The following SLC2A10 variants were observed in gnomAD, a reference collection of about 807,000 sequenced individuals.
The protein encoded by SLC2A10 is solute carrier family 2 member 10.
A neutral mutation model predicts 32.1 loss-of-function variants in SLC2A10; 25 were observed. That is an observed-to-expected ratio of 0.78 (90% confidence interval 0.57 to 1.09). SLC2A10 has a LOEUF of 1.09. Among genes scored for constraint, SLC2A10 ranks in the 50% least tolerant of loss-of-function variants. SLC2A10 has a pLI of 0.00. For missense variants in SLC2A10, 673 were observed against 686.5 expected, an observed-to-expected ratio of 0.98 and a Z score of 0.22; for synonymous variants, 332 against 309.6, an observed-to-expected ratio of 1.07 and a Z score of -0.76.
intron 1 of SLC2A10, among the ~76,000 whole-genome samples, chr20:46,716,933 G>T (rs1173274449): frequency 6.6e-6 from 1 of 152,102 alleles, no homozygotes; most frequent in Admixed American, 6.5e-5. Flanking sequence ...TGAGGCAGGA[G>T]AATTGCTAGA....
At chr20:46,731,391 TG>T (rs1039551249) in intron 4 of SLC2A10, among the ~76,000 whole-genome samples, 2 of 152,220 alleles carry the variant, frequency 1.3e-5, no homozygotes, top group Non-Finnish European at 2.9e-5. Flanking sequence ...GTCTTCAATC[TG>T]GGCAGCCATG....
At chr20:46,729,512 T>C in intron 4 of SLC2A10, 24 bp downstream of exon 4, 1 of 1,611,894 alleles carries the variant, frequency 6.2e-7, no homozygotes, top group Non-Finnish European at 8.5e-7. Flanking sequence ...AGGGTGGGTC[T>C]GGGGGAAGAG....
In SLC2A10 at chr20:46,729,508, G is replaced by T. The variant is rs1218361422; in HGVS notation, c.1547+20G>T. On this transcript the variant is annotated intron_variant, in intron 4 of 4. Coordinates refer to ENST00000359271, the MANE Select transcript of SLC2A10 (RefSeq NM_030777.4). ...GAGACGGTAGGAAGCTGACAGGGTG[G>T]GTCTGGGGGAAGAGCTGTAGCACAC... The T allele has an allele frequency of 1.2e-6, 2 of 1,613,838 alleles. No individual in the cohort carries two copies. The highest frequency in any genetic ancestry group is 4.5e-5 in the East Asian group (2 of 44,878).
chr20:46,713,150 GTAAC>G (rs1401476713), intron 1 of SLC2A10, among the ~76,000 whole-genome samples: 1 of 152,156 alleles, frequency 6.6e-6, no homozygotes, highest in East Asian at 1.9e-4. Flanking sequence ...TGAGTGCTGA[GTAAC>G]TGTCCTTGGC....
chr20:46,726,287 G>C lies in SLC2A10; in HGVS notation c.1251G>C (p.Met417Ile). 1.2e-6 allele frequency: 2 copies of C among 1,612,204 alleles called. No individual in the cohort carries two copies. The highest frequency in any genetic ancestry group is 1.7e-6 in the Non-Finnish European group (2 of 1,180,044). ...GCTGGACCGCACTGCTGTGCCTGATGGTCTTTGTCAGTGCCTTCTCCTTTG... is the reference window on the plus strand; with the variant it reads ...GCTGGACCGCACTGCTGTGCCTGATCGTCTTTGTCAGTGCCTTCTCCTTTG... ...LLRWTALLCL[M>I]VFVSAFSFGF... Residue 417 changes from methionine to isoleucine, a missense_variant, in exon 2 of 5, where the codon ATG becomes ATC. Met to Ile is a conservative substitution (Grantham distance 10). Coordinates refer to ENST00000359271, the MANE Select transcript of SLC2A10 (RefSeq NM_030777.4).
rs781230863 is a variant in SLC2A10 at position 46,725,985 on chromosome 20, G to A, written c.949G>A (p.Val317Ile). The A allele has an allele frequency of 6.0e-5, 97 of 1,613,850 alleles. No individual in the cohort carries two copies. The highest frequency in any genetic ancestry group is 1.3e-4 in the Admixed American group (8 of 60,032). Residue 317 changes from valine to isoleucine, a missense_variant, in exon 2 of 5, where the codon GTC becomes ATC. Transcript: ENST00000359271. ...MALSVSGIGLVSFAVPMDSGP... is the reference protein window; with the variant it reads ...MALSVSGIGLISFAVPMDSGP... ...CCTGTCCGTCAGTGGCATAGGCCTCGTCAGCTTTGCCGTGCCCATGGACTC... is the reference window on the plus strand; with the variant it reads ...CCTGTCCGTCAGTGGCATAGGCCTCATCAGCTTTGCCGTGCCCATGGACTC...
rs1388971061 is a variant in SLC2A10 at position 46,735,976 on chromosome 20, G to A, written c.*2142G>A. On this transcript the variant is annotated 3_prime_UTR_variant, in exon 5 of 5. Coordinates refer to ENST00000359271, the MANE Select transcript of SLC2A10 (RefSeq NM_030777.4). ...ATGCCGAACCTATACCCATTCTTCA[G>A]TGCCTAGCTGTACAGTTATCAGGGA... The A allele has an allele frequency of 6.6e-6, 1 of 152,098 alleles. No individual in the cohort carries two copies. Among genetic ancestry groups the A allele is most frequent in the Non-Finnish European group, 1.5e-5 (1 of 68,034 alleles). The allele number at this position is 152,098 out of a possible 1,614,324, so 9.4% of individuals were successfully genotyped here. A position where few individuals can be genotyped will look rare whatever the true frequency, so the allele number is the denominator to read the frequency against.
rs896474476 is a variant in SLC2A10, at chr20:46,711,121, C to T, written c.4+1381C>T. Reference sequence around the variant, plus strand: ...TCCTGACCTCGTGATCCGGCTGCCTCGGCTTGGGATTACAGGCGTGAGCCT... The same window carrying T: ...TCCTGACCTCGTGATCCGGCTGCCTTGGCTTGGGATTACAGGCGTGAGCCT... On this transcript the variant is annotated intron_variant, in intron 1 of 4. Transcript: ENST00000359271. Among the ~76,000 whole-genome samples the T allele has an allele frequency of 1.3e-5, 2 of 152,320 alleles. 1 individual carries two copies. Among genetic ancestry groups the T allele is most frequent in the African/African-American group, 4.8e-5 (2 of 41,566 alleles).
At chr20:46,722,684 G>C (rs570673101) in intron 1 of SLC2A10, among the ~76,000 whole-genome samples, 1 of 152,186 alleles carries the variant, frequency 6.6e-6, no homozygotes, top group Non-Finnish European at 1.5e-5. Flanking sequence ...GAAATGATGC[G>C]TTTAAAGTTT....
At chr20:46,728,173 G>A (rs1175770192) in intron 3 of SLC2A10, among the ~76,000 whole-genome samples, 1 of 152,098 alleles carries the variant, frequency 6.6e-6, no homozygotes, top group Admixed American at 6.5e-5. Context: ...TCACAGATGG[G>A]AAAATACATC....
At chr20:46,730,451 G>C (rs978651599) in intron 4 of SLC2A10, among the ~76,000 whole-genome samples, 3 of 152,210 alleles carry the variant, frequency 2.0e-5, no homozygotes, top group East Asian at 1.9e-4. Flanking sequence ...CTGAAGTAGA[G>C]TGGGTGGTGA....
rs151324893 is a variant in SLC2A10 at position 46,725,668 on chromosome 20, C to T, written c.632C>T (p.Pro211Leu). ...LQGGEAPKLGPGRPRYSFLDL... is the reference protein window; with the variant it reads ...LQGGEAPKLGLGRPRYSFLDL... ...GGAGGTGAGGCCCCCAAGCTGGGCC[C>T]GGGGAGGCCACGGTACTCCTTTCTG... Residue 211 changes from proline to leucine, a missense_variant, in exon 2 of 5, where the codon CCG becomes CTG. Coordinates refer to ENST00000359271, the MANE Select transcript of SLC2A10 (RefSeq NM_030777.4). 70 of 1,613,908 alleles carry T rather than the reference C, an allele frequency of 4.3e-5. No homozygotes were observed. Among genetic ancestry groups the T allele is most frequent in the African/African-American group, 9.3e-5 (7 of 74,928 alleles).
chr20:46,730,869 C>G (rs1980259758), intron 4 of SLC2A10, among the ~76,000 whole-genome samples: 1 of 152,190 alleles, frequency 6.6e-6, no homozygotes, highest in Non-Finnish European at 1.5e-5. Context: ...TCACCAGCTC[C>G]TGACTGCCCA....
At chr20:46,709,237 G>A (rs1481157060), upstream of SLC2A10, among the ~76,000 whole-genome samples, 3 of 151,922 alleles carry the variant, frequency 2.0e-5, no homozygotes, top group Admixed American at 6.6e-5. Flanking sequence ...GTGGGTATGC[G>A]CGAGTGTCTC....
intron 1 of SLC2A10, among the ~76,000 whole-genome samples, chr20:46,720,055 A>G (rs984973097): frequency 6.6e-6 from 1 of 152,148 alleles, no homozygotes; most frequent in Non-Finnish European, 1.5e-5. Flanking sequence ...AACAGCATCC[A>G]TTGTTTCATT....
chr20:46,724,862 G>GGGGATGGATGGACGGA (rs1979775741), intron 1 of SLC2A10, among the ~76,000 whole-genome samples, 179 bp from the exon 2 acceptor site: 1 of 48,206 alleles, frequency 2.1e-5, no homozygotes, highest in Non-Finnish European at 3.8e-5. Flanking sequence ...AATTGATGGA[G>GGGGATGGATGGACGGA]TGGATGGATG....
chr20:46,718,787 T>C lies in SLC2A10; in HGVS notation c.5-6254T>C, dbSNP rs1204378126. Among the ~76,000 whole-genome samples the C allele has an allele frequency of 2.0e-5, 3 of 152,162 alleles. No individual in the cohort carries two copies. The East Asian group carries it at 5.8e-4, about 29-fold the overall frequency. ...GATGTATATTTTATATTTTATTTTATTTTTTAAAGATAGGGCCTTGCTCTG... is the reference window on the plus strand; with the variant it reads ...GATGTATATTTTATATTTTATTTTACTTTTTAAAGATAGGGCCTTGCTCTG... On this transcript the variant is annotated intron_variant, in intron 1 of 4. Transcript: ENST00000359271.
chr20:46,728,107 G>A (rs1980075993), intron 3 of SLC2A10, among the ~76,000 whole-genome samples: 1 of 152,130 alleles, frequency 6.6e-6, no homozygotes, highest in Non-Finnish European at 1.5e-5. Context: ...AGGAAGGGAG[G>A]GAGGGAGGAA....
At chr20:46,709,810 C>G (rs906760863) in intron 1 of SLC2A10, 70 bp downstream of exon 1, 119 of 1,530,760 alleles carry the variant, frequency 7.8e-5, no homozygotes, top group Admixed American at 1.8e-4. Flanking sequence ...CGCCCCCACG[C>G]TCCCCTAAGA....
Sources: allele counts gnomAD v4.1 joint callset (sites outside exome capture counted in the v4.1 genomes callset), GRCh38; gene constraint gnomAD v4.1.1; transcripts MANE v1.5; gene names NCBI Gene and HGNC (gene_info 2026-07-23, HGNC 2026-07-21).